TRABD2B: variants seen among roughly 807,000 people sequenced by gnomAD.
TRABD2B encodes the protein metalloprotease TIKI2.
Under a neutral mutation model 40.1 loss-of-function variants are expected in TRABD2B, and 14 were observed. The ratio of observed to expected loss-of-function variants is 0.35; its 90% confidence interval spans 0.23 to 0.55. TRABD2B has a LOEUF of 0.55. TRABD2B is among the 20% of genes least tolerant of loss of function. The pLI, the probability that TRABD2B is intolerant of heterozygous loss-of-function variation, is 0.90. For missense variants in TRABD2B, 541 were observed against 648.6 expected, an observed-to-expected ratio of 0.83 and a Z score of 1.80; for synonymous variants, 263 against 277.0, an observed-to-expected ratio of 0.95 and a Z score of 0.50.
intron 2 of TRABD2B, among the ~76,000 whole-genome samples, chr1:47,955,792 T>C (rs537288876): frequency 6.6e-6 from 1 of 152,284 alleles, no homozygotes; most frequent in South Asian, 2.1e-4. Flanking sequence ...CTGACTGTGC[T>C]CATGTGGTCC....
At chr1:47,808,107 T>C (rs952737606) in intron 2 of TRABD2B, among the ~76,000 whole-genome samples, 5 of 152,202 alleles carry the variant, frequency 3.3e-5, no homozygotes, top group African/African-American at 1.2e-4. Flanking sequence ...CTCCATAACG[T>C]AGGTGGGCTT....
intron 2 of TRABD2B, among the ~76,000 whole-genome samples, chr1:47,832,327 G>A (rs1161843110): frequency 1.3e-5 from 2 of 151,060 alleles, no homozygotes; most frequent in African/African-American, 4.9e-5. Flanking sequence ...GCAAGACTCC[G>A]TCTCAAAAAA....
intron 3 of TRABD2B, among the ~76,000 whole-genome samples, chr1:47,797,494 C>T (rs893317650): frequency 3.9e-5 from 6 of 152,184 alleles, no homozygotes; most frequent in Non-Finnish European, 8.8e-5. Flanking sequence ...GCCCCTCCTC[C>T]TATGCTTCCT....
intron 2 of TRABD2B, among the ~76,000 whole-genome samples, chr1:47,904,512 AAG>A (rs1318837390): frequency 6.6e-6 from 1 of 152,196 alleles, no homozygotes; most frequent in East Asian, 1.9e-4. Context: ...AGTAACTGGA[AAG>A]AGGGAGAAAT....
intron 2 of TRABD2B, among the ~76,000 whole-genome samples, chr1:47,919,897 G>C (rs1269066015): frequency 6.6e-6 from 1 of 152,228 alleles, no homozygotes. Context: ...TAAATAGGAG[G>C]AGAGGGGTTG....
chr1:47,954,734 C>A (rs1319333311), intron 2 of TRABD2B, among the ~76,000 whole-genome samples: 2 of 152,142 alleles, frequency 1.3e-5, no homozygotes, highest in Non-Finnish European at 2.9e-5. Flanking sequence ...GTTGCAGAAG[C>A]TCTCAGCGGC....
At position 47,763,577 on chromosome 1, in the gene TRABD2B, G is replaced by A. The variant is rs1337657203; in HGVS notation, c.*2325C>T. Reference sequence around the variant, plus strand: ...CAGCTCTAATACAGAGCCTGGCATTGCATGTGCTCAGTAATTACAAGCTGC... The same window carrying A: ...CAGCTCTAATACAGAGCCTGGCATTACATGTGCTCAGTAATTACAAGCTGC... On this transcript the variant is annotated 3_prime_UTR_variant, in exon 7 of 7. Coordinates refer to ENST00000606738, the MANE Select transcript of TRABD2B (RefSeq NM_001194986.2). The A allele has an allele frequency of 6.6e-6, 1 of 152,242 alleles. No individual in the cohort carries two copies. The highest frequency in any genetic ancestry group is 2.4e-5 in the African/African-American group (1 of 41,450). The allele number at this position is 152,242 out of a possible 1,614,324, so 9.4% of individuals were successfully genotyped here. A position where few individuals can be genotyped will look rare whatever the true frequency, so the allele number is the denominator to read the frequency against.
In TRABD2B at chr1:47,784,867, G is replaced by A. The variant is rs541850339; in HGVS notation, c.989-6323C>T. Among the ~76,000 whole-genome samples the A allele has an allele frequency of 3.3e-5, 5 of 152,318 alleles. No homozygotes were observed. The South Asian group carries it at 6.2e-4, about 19-fold the overall frequency. ...ACCTCTGTACCCAACCTTGTGCCAG[G>A]AGCTGACACACAGTCCCCTCCCCTG... On this transcript the variant is annotated intron_variant, in intron 4 of 6. Coordinates refer to ENST00000606738, the MANE Select transcript of TRABD2B (RefSeq NM_001194986.2).
At chr1:47,766,791 T>C (rs1303201315) in intron 6 of TRABD2B, among the ~76,000 whole-genome samples, 1 of 152,178 alleles carries the variant, frequency 6.6e-6, no homozygotes, top group Admixed American at 6.5e-5. Flanking sequence ...TCTGCCTTAC[T>C]TTGCACAGTT....
chr1:47,930,742 G>A (rs1470310072), intron 2 of TRABD2B, among the ~76,000 whole-genome samples: 1 of 151,956 alleles, frequency 6.6e-6, no homozygotes, highest in Non-Finnish European at 1.5e-5. Flanking sequence ...CCCTCCCAGT[G>A]GCCTTCACCT....
intron 2 of TRABD2B, among the ~76,000 whole-genome samples, chr1:47,867,421 G>A (rs1170669368): frequency 6.6e-6 from 1 of 152,144 alleles, no homozygotes; most frequent in Non-Finnish European, 1.5e-5. Context: ...CTTCAGAAGG[G>A]GCTGCTAGGA....
rs1001400967 is a variant in TRABD2B, at chr1:47,775,334, G to T, written c.1185C>A (p.Thr395=). Residue 395 remains threonine, a synonymous_variant, in exon 6 of 7, where the codon ACC becomes ACA. Transcript: ENST00000606738. ...AVPEAPSVTP[T]APPEDEDPAL... ...CTGGATCCTCATCCTCTGGTGGGGC[G>T]GTGGGGGTCACAGAGGGTGCTTCGG... 8.0e-7 allele frequency: 1 copy of T among 1,243,056 alleles called. No homozygotes were observed. The highest frequency in any genetic ancestry group is 1.0e-6 in the Non-Finnish European group (1 of 991,818). 77.0% of individuals were successfully genotyped at this position (1,243,056 alleles called of 1,614,324 possible).
chr1:47,767,160 G>A (rs895073264), intron 6 of TRABD2B, among the ~76,000 whole-genome samples: 9 of 152,220 alleles, frequency 5.9e-5, no homozygotes, highest in Non-Finnish European at 1.3e-4. Context: ...ACCTGTGGAC[G>A]AGAGGGACAG....
intron 2 of TRABD2B, among the ~76,000 whole-genome samples, chr1:47,828,015 G>A (rs1272428159): frequency 6.6e-6 from 1 of 152,186 alleles, no homozygotes; most frequent in Admixed American, 6.5e-5. Context: ...TTCAGCCCGG[G>A]CATCTCAGGC....
At chr1:47,785,154 G>C in intron 4 of TRABD2B, among the ~76,000 whole-genome samples, 1 of 152,160 alleles carries the variant, frequency 6.6e-6, no homozygotes, top group Non-Finnish European at 1.5e-5. Flanking sequence ...TGAAAGGAGA[G>C]GTGGCAATAG....
chr1:47,829,143 G>C (rs142880580), intron 2 of TRABD2B, among the ~76,000 whole-genome samples: 1 of 152,286 alleles, frequency 6.6e-6, no homozygotes. Flanking sequence ...TGGGACATCA[G>C]TATGGGTCTG....
At chr1:47,883,789 G>A (rs1405458352) in intron 2 of TRABD2B, among the ~76,000 whole-genome samples, 1 of 152,238 alleles carries the variant, frequency 6.6e-6, no homozygotes, top group African/African-American at 2.4e-5. Context: ...AGATGTGTAA[G>A]TGCCACTGGC....
intron 6 of TRABD2B, among the ~76,000 whole-genome samples, chr1:47,770,805 C>T (rs1644367830): frequency 6.6e-6 from 1 of 152,204 alleles, no homozygotes; most frequent in South Asian, 2.1e-4. Context: ...AAGGGTTTGG[C>T]CAAAGGCCCT....
chr1:47,827,631 T>C (rs1446626531), intron 2 of TRABD2B, among the ~76,000 whole-genome samples: 1 of 152,086 alleles, frequency 6.6e-6, no homozygotes, highest in African/African-American at 2.4e-5. Flanking sequence ...TAGGGAAAAA[T>C]AATCAGAACA....
Sources: allele counts gnomAD v4.1 joint callset (sites outside exome capture counted in the v4.1 genomes callset), GRCh38; gene constraint gnomAD v4.1.1; transcripts MANE v1.5; gene names NCBI Gene and HGNC (gene_info 2026-07-23, HGNC 2026-07-21).